The following NRG3 variants were observed in gnomAD, a reference collection of about 807,000 sequenced individuals.
The protein encoded by NRG3 is pro-neuregulin-3, membrane-bound isoform.
A neutral mutation model predicts 66.9 loss-of-function variants in NRG3; 31 were observed. The ratio of observed to expected loss-of-function variants is 0.46; its 90% CI spans 0.35 to 0.63. NRG3 has a LOEUF of 0.63. Ranked by LOEUF, NRG3 falls within the 20% of genes least tolerant of loss-of-function variation. The pLI, the probability that NRG3 is intolerant of heterozygous loss-of-function variation, is 0.00. For missense variants in NRG3, 910 were observed against 878.9 expected (o/e 1.04, Z -0.45); for synonymous variants, 393 against 359.4 (o/e 1.09, Z -1.06).
intron 3 of NRG3, among the ~76,000 whole-genome samples, chr10:82,846,188 A>G (rs190964228): frequency 6.6e-6 from 1 of 152,206 alleles, no homozygotes; most frequent in Admixed American, 6.5e-5. Context: ...CTCTGAATGA[A>G]TACTCTGTAT....
At chr10:81,891,684 T>A (rs1843023384) in intron 1 of NRG3, among the ~76,000 whole-genome samples, 1 of 152,188 alleles carries the variant, frequency 6.6e-6, no homozygotes. Flanking sequence ...GATAGTGGTT[T>A]TTGAAAGGGG....
chr10:81,915,505 T>TGTTTTTTTTGTTTTTTTC (rs552174445), intron 1 of NRG3, among the ~76,000 whole-genome samples: 2,813 of 151,492 alleles, frequency 0.019, 107 homozygotes, highest in African/African-American at 0.063. Context: ...AGTTTTTTTT[T>TGTTTTTTTTGTTTTTTTC]TTTTTGCCAA....
At chr10:82,050,747 G>A (rs190123660) in intron 1 of NRG3, among the ~76,000 whole-genome samples, 1 of 138,070 alleles carries the variant, frequency 7.2e-6, no homozygotes, top group Non-Finnish European at 1.7e-5. Context: ...CTCTGATAAT[G>A]TCTCGTTTCC....
At chr10:82,568,411 C>G (rs2045543497) in intron 2 of NRG3, among the ~76,000 whole-genome samples, 1 of 151,850 alleles carries the variant, frequency 6.6e-6, no homozygotes, top group South Asian at 2.1e-4. Flanking sequence ...ACAAATAAAT[C>G]CAGATCTTCA....
At chr10:82,789,064 A>G (rs1315460965) in intron 3 of NRG3, among the ~76,000 whole-genome samples, 1 of 151,938 alleles carries the variant, frequency 6.6e-6, no homozygotes, top group African/African-American at 2.4e-5. Context: ...TCATCTGGCA[A>G]CTCCATGTTT....
chr10:82,557,504 G>T (rs749250169), intron 2 of NRG3, among the ~76,000 whole-genome samples: 4 of 151,800 alleles, frequency 2.6e-5, no homozygotes, highest in Non-Finnish European at 5.9e-5. Context: ...ATTTGTTGAA[G>T]TTCCTTATAA....
intron 2 of NRG3, among the ~76,000 whole-genome samples, chr10:82,369,012 T>A (rs1450434387): frequency 7.2e-6 from 1 of 138,740 alleles, no homozygotes; most frequent in Non-Finnish European, 1.5e-5. Context: ...GGATTCTTCC[T>A]CCAACCTAAG....
chr10:82,638,028 T>G (rs2050313564), intron 2 of NRG3, among the ~76,000 whole-genome samples: 1 of 152,206 alleles, frequency 6.6e-6, no homozygotes, highest in African/African-American at 2.4e-5. Flanking sequence ...AAACATTCCT[T>G]TCACTATATT....
chr10:82,210,223 A>G (rs2075330821), intron 1 of NRG3, among the ~76,000 whole-genome samples: 1 of 152,182 alleles, frequency 6.6e-6, no homozygotes, highest in Non-Finnish European at 1.5e-5. Flanking sequence ...CTTTATGTAG[A>G]CATTTGAGGC....
intron 1 of NRG3, among the ~76,000 whole-genome samples, chr10:82,350,716 A>G (rs187882846): frequency 6.6e-5 from 10 of 152,294 alleles, no homozygotes; most frequent in East Asian, 3.9e-4. Flanking sequence ...TTGGAGCTCA[A>G]GAAATGTGGG....
intron 2 of NRG3, among the ~76,000 whole-genome samples, chr10:82,522,445 G>T (rs887556083): frequency 3.3e-5 from 5 of 151,940 alleles, no homozygotes; most frequent in African/African-American, 1.2e-4. Flanking sequence ...GTGGTTTGTG[G>T]TACCCCAAAA....
chr10:82,853,823 TC>T (rs1287536100), intron 3 of NRG3, among the ~76,000 whole-genome samples: 1 of 152,188 alleles, frequency 6.6e-6, no homozygotes, highest in Non-Finnish European at 1.5e-5. Flanking sequence ...GGTTAGGACT[TC>T]CCATATTTTA....
chr10:82,952,081 T>C (rs1401708843), intron 5 of NRG3, among the ~76,000 whole-genome samples: 2 of 152,222 alleles, frequency 1.3e-5, no homozygotes, highest in African/African-American at 2.4e-5. Context: ...GAATATGCCC[T>C]AAAGTTACCT....
intron 1 of NRG3, among the ~76,000 whole-genome samples, chr10:82,087,013 A>G (rs1157383959): frequency 6.6e-6 from 1 of 152,140 alleles, no homozygotes; most frequent in Non-Finnish European, 1.5e-5. Flanking sequence ...TCCTCTGTCT[A>G]TAAGAGAGGG....
chr10:81,923,298 C>T (rs941621825), intron 1 of NRG3, among the ~76,000 whole-genome samples: 13 of 152,130 alleles, frequency 8.5e-5, no homozygotes, highest in African/African-American at 2.7e-4. Context: ...CTCCGCCTCC[C>T]GGGTTCACGC....
At chr10:82,628,102 C>T (rs2049549682) in intron 2 of NRG3, among the ~76,000 whole-genome samples, 1 of 152,198 alleles carries the variant, frequency 6.6e-6, no homozygotes, top group Admixed American at 6.5e-5. Context: ...CTTTGCACCA[C>T]ACACTACATT....
chr10:82,279,817 C>T (rs1401117193), intron 1 of NRG3, among the ~76,000 whole-genome samples: 2 of 152,154 alleles, frequency 1.3e-5, no homozygotes, highest in Admixed American at 6.5e-5. Flanking sequence ...AAGGATCAAT[C>T]GAAATTAGTT....
intron 2 of NRG3, among the ~76,000 whole-genome samples, chr10:82,616,668 G>A (rs145451838): frequency 6.6e-6 from 1 of 152,148 alleles, no homozygotes; most frequent in Admixed American, 6.5e-5. Context: ...TTTTATTGTT[G>A]TACTGTATTT....
chr10:82,955,059 C>T (rs755396592), intron 5 of NRG3: 1 of 151,782 alleles, frequency 6.6e-6, no homozygotes, highest in Non-Finnish European at 1.5e-5. Flanking sequence ...TAGTTTCTGC[C>T]CAGAGGGAGC....
Sources: allele counts gnomAD v4.1 joint callset (sites outside exome capture counted in the v4.1 genomes callset), GRCh38; gene constraint gnomAD v4.1.1; transcripts MANE v1.5; gene names NCBI Gene and HGNC (gene_info 2026-07-23, HGNC 2026-07-21).